Variants in SDK1 observed in about 807,000 individuals in gnomAD.
The protein encoded by SDK1 is protein sidekick-1.
A neutral mutation model predicts 245.5 loss-of-function variants in SDK1; 157 were observed. That is an observed-to-expected ratio of 0.64 (90% CI 0.56 to 0.73). The LOEUF is 0.73. SDK1 is among the 30% of genes least tolerant of loss of function. The pLI, the probability that SDK1 is intolerant of heterozygous loss-of-function variation, is 0.00. For missense variants in SDK1, 3,583 were observed against 3,002.3 expected (o/e 1.19, Z -4.52); for synonymous variants, 1,647 against 1,278.5 (o/e 1.29, Z -6.15).
At chr7:3,964,388 T>C (rs1395115736) in intron 9 of SDK1, among the ~76,000 whole-genome samples, 1 of 152,240 alleles carries the variant, frequency 6.6e-6, no homozygotes, top group African/African-American at 2.4e-5. Context: ...AAAAACTCCC[T>C]TATTTTCTGG....
chr7:3,985,028 C>T (rs545744789), intron 13 of SDK1, among the ~76,000 whole-genome samples: 1 of 152,284 alleles, frequency 6.6e-6, no homozygotes, highest in South Asian at 2.1e-4. Flanking sequence ...TAGTCCCCAG[C>T]CCCCTCCACT....
chr7:4,188,798 C>T (rs902823635), intron 35 of SDK1, among the ~76,000 whole-genome samples: 3 of 151,992 alleles, frequency 2.0e-5, no homozygotes, highest in African/African-American at 7.2e-5. Flanking sequence ...TTTTTTCCCC[C>T]GAAACCATCT....
At chr7:4,216,231 C>T (rs1784786691) in intron 38 of SDK1, among the ~76,000 whole-genome samples, 1 of 152,158 alleles carries the variant, frequency 6.6e-6, no homozygotes, top group Non-Finnish European at 1.5e-5. Context: ...TGGCCAAGGG[C>T]AGGGTGGTTG....
intron 1 of SDK1, among the ~76,000 whole-genome samples, chr7:3,566,426 T>C (rs1346444564): frequency 4.6e-5 from 7 of 151,926 alleles, no homozygotes; most frequent in Non-Finnish European, 8.8e-5. Flanking sequence ...GGGGTTTCAC[T>C]GTGTTAGCCA....
At chr7:3,964,451 T>A (rs79540188) in intron 9 of SDK1, among the ~76,000 whole-genome samples, 1 of 152,264 alleles carries the variant, frequency 6.6e-6, no homozygotes. Flanking sequence ...CTTTTTCTTT[T>A]GATCTTTTTT....
chr7:3,683,278 A>G (rs1317526012), intron 4 of SDK1, among the ~76,000 whole-genome samples: 1 of 152,184 alleles, frequency 6.6e-6, no homozygotes, highest in South Asian at 2.1e-4. Flanking sequence ...AGCACATACT[A>G]TGCACTTGCC....
intron 35 of SDK1, among the ~76,000 whole-genome samples, chr7:4,188,080 A>G (rs777655946): frequency 1.3e-5 from 2 of 152,180 alleles, no homozygotes; most frequent in Non-Finnish European, 2.9e-5. Context: ...AACCACTCCC[A>G]TGATTCAATT....
At chr7:3,415,012 T>G (rs563535713) in intron 1 of SDK1, among the ~76,000 whole-genome samples, 1 of 152,254 alleles carries the variant, frequency 6.6e-6, no homozygotes, top group Non-Finnish European at 1.5e-5. Context: ...TCGGCTATTA[T>G]GCATAACACT....
chr7:4,108,339 A>G (rs1412532064), intron 22 of SDK1, among the ~76,000 whole-genome samples: 2 of 152,142 alleles, frequency 1.3e-5, no homozygotes, highest in East Asian at 1.9e-4. Flanking sequence ...ACCTTAATCT[A>G]TCCACATAAC....
chr7:3,498,846 T>TC (rs1782105363), intron 1 of SDK1, among the ~76,000 whole-genome samples: 1 of 152,136 alleles, frequency 6.6e-6, no homozygotes, highest in Non-Finnish European at 1.5e-5. Flanking sequence ...CTGAAGTCTC[T>TC]TTTTTGGGCT....
At position 3,917,747 on chromosome 7, in the gene SDK1, A is replaced by G. The variant is rs1471304583; in HGVS notation, c.848-33176A>G. Among the ~76,000 whole-genome samples the G allele has an allele frequency of 2.0e-5, 3 of 152,174 alleles. No individual in the cohort carries two copies. In the East Asian group the frequency reaches 5.8e-4, roughly 29 times the overall value. ...GAGGAAAAACTGAGACTTCCTAGAC[A>G]TGAATTTCATTTCTGACAGGCTTCT... On this transcript the variant is annotated intron_variant, in intron 5 of 44. Coordinates refer to ENST00000404826, the MANE Select transcript of SDK1 (RefSeq NM_152744.4).
intron 1 of SDK1, 116 bp from the exon 2 acceptor site, chr7:3,618,964 A>G: frequency 1.2e-6 from 1 of 828,614 alleles, no homozygotes; most frequent in Non-Finnish European, 1.8e-6. Flanking sequence ...TGGGCCAAAC[A>G]GCCATCACTT....
intron 5 of SDK1, among the ~76,000 whole-genome samples, chr7:3,942,238 A>G (rs1230597067): frequency 6.6e-6 from 1 of 152,218 alleles, no homozygotes; most frequent in African/African-American, 2.4e-5. Context: ...AAGTGCTTAT[A>G]GTCAGACTGT....
intron 5 of SDK1, among the ~76,000 whole-genome samples, chr7:3,926,044 G>C (rs1229366294): frequency 6.6e-6 from 1 of 152,214 alleles, no homozygotes; most frequent in African/African-American, 2.4e-5. Flanking sequence ...AGGATGTTGA[G>C]TGACTTCAGG....
At chr7:4,050,899 T>A (rs150417732) in intron 18 of SDK1, among the ~76,000 whole-genome samples, 2 of 143,948 alleles carry the variant, frequency 1.4e-5, no homozygotes, top group Non-Finnish European at 3.0e-5. Flanking sequence ...ATAGTATATA[T>A]TATATATAGT....
intron 5 of SDK1, among the ~76,000 whole-genome samples, chr7:3,835,634 T>C (rs1006551879): frequency 2.6e-5 from 4 of 152,202 alleles, no homozygotes; most frequent in African/African-American, 9.6e-5. Flanking sequence ...GGAAGAATAT[T>C]CATCTCTCTG....
intron 4 of SDK1, among the ~76,000 whole-genome samples, chr7:3,652,998 C>T (rs1000248360): frequency 8.5e-5 from 13 of 152,226 alleles, no homozygotes; most frequent in Admixed American, 5.9e-4. Flanking sequence ...GAGCACCTCA[C>T]GTCCTCTCTT....
At chr7:3,369,185 C>G (rs1159919635) in intron 1 of SDK1, among the ~76,000 whole-genome samples, 7 of 152,038 alleles carry the variant, frequency 4.6e-5, no homozygotes, top group Admixed American at 3.9e-4. Context: ...GCTGGGATTA[C>G]AGGTGTGTGC....
chr7:3,848,830 C>T (rs970316820), intron 5 of SDK1, among the ~76,000 whole-genome samples: 3 of 152,126 alleles, frequency 2.0e-5, no homozygotes, highest in African/African-American at 7.2e-5. Flanking sequence ...CGTCACCATG[C>T]CTAGCAAATT....
Sources: allele counts gnomAD v4.1 joint callset (sites outside exome capture counted in the v4.1 genomes callset), GRCh38; gene constraint gnomAD v4.1.1; transcripts MANE v1.5; gene names NCBI Gene and HGNC (gene_info 2026-07-23, HGNC 2026-07-21).